Variants in AK5 observed in about 807,000 individuals in gnomAD.
AK5 encodes the protein adenylate kinase 5, also known as adenylate kinase isoenzyme 5.
AK5 carries 27 observed loss-of-function variants against 69.5 expected under a neutral mutation model. That is an observed-to-expected ratio of 0.39 (90% CI 0.29 to 0.54). AK5 has a LOEUF of 0.54. AK5 is among the 20% of genes least tolerant of loss of function. The pLI is 0.71. For missense variants in AK5, 531 were observed against 700.4 expected (o/e 0.76, Z 2.73); for synonymous variants, 260 against 244.4 (o/e 1.06, Z -0.60).
chr1:77,475,537 A>T (rs867639621), intron 8 of AK5, among the ~76,000 whole-genome samples: 2 of 103,932 alleles, frequency 1.9e-5, no homozygotes, highest in Non-Finnish European at 3.8e-5. Context: ...TATATATACA[A>T]ATATATATTA....
chr1:77,377,885 A>G (rs1647351846), intron 6 of AK5, among the ~76,000 whole-genome samples: 3 of 152,276 alleles, frequency 2.0e-5, no homozygotes, highest in South Asian at 4.1e-4. Context: ...AGAATGCCCA[A>G]TGACTCTTTA....
At chr1:77,518,038 T>C (rs1413952615) in intron 10 of AK5, among the ~76,000 whole-genome samples, 1 of 152,238 alleles carries the variant, frequency 6.6e-6, no homozygotes, top group Admixed American at 6.5e-5. Context: ...TGAAAGTTCT[T>C]TGTCCTCACA....
intron 5 of AK5, among the ~76,000 whole-genome samples, chr1:77,327,615 T>C (rs1246680099): frequency 1.3e-5 from 2 of 152,210 alleles, no homozygotes; most frequent in Non-Finnish European, 2.9e-5. Context: ...CTGATCACCA[T>C]GAACCAGGCA....
intron 6 of AK5, among the ~76,000 whole-genome samples, chr1:77,373,596 G>A (rs12409322): frequency 0.3 from 45,859 of 151,852 alleles, 8,139 homozygotes; most frequent in East Asian, 0.43. Context: ...CATGGTGGCA[G>A]GAGCTTGTAA....
chr1:77,403,760 G>A (rs1008018889), intron 6 of AK5, among the ~76,000 whole-genome samples: 13 of 152,294 alleles, frequency 8.5e-5, no homozygotes, highest in African/African-American at 2.9e-4. Context: ...TTTTGGCTTA[G>A]GATTGACTTG....
chr1:77,336,641 G>T (rs1420012364), intron 5 of AK5, among the ~76,000 whole-genome samples: 1 of 152,034 alleles, frequency 6.6e-6, no homozygotes, highest in African/African-American at 2.4e-5. Flanking sequence ...TTGTGTGTGT[G>T]TACTTACTAT....
At chr1:77,362,815 C>A (rs1646888168) in intron 6 of AK5, among the ~76,000 whole-genome samples, 1 of 152,126 alleles carries the variant, frequency 6.6e-6, no homozygotes, top group Non-Finnish European at 1.5e-5. Context: ...TAAATTGCTG[C>A]CACTTTGAAA....
At chr1:77,528,323 A>G (rs916396899) in intron 12 of AK5, among the ~76,000 whole-genome samples, 40 of 152,188 alleles carry the variant, frequency 2.6e-4, no homozygotes, top group African/African-American at 9.7e-4. Flanking sequence ...GGTCCATTCA[A>G]GCCTGGAGAG....
intron 11 of AK5, among the ~76,000 whole-genome samples, chr1:77,520,183 A>G (rs1657900383): frequency 6.8e-6 from 1 of 146,684 alleles, no homozygotes; most frequent in South Asian, 2.3e-4. Context: ...AGCCCAGGCA[A>G]CAGCGTGAAA....
intron 6 of AK5, among the ~76,000 whole-genome samples, chr1:77,407,372 T>C (rs2100561925): frequency 6.6e-6 from 1 of 152,250 alleles, no homozygotes; most frequent in South Asian, 2.1e-4. Flanking sequence ...CTCAGAATAA[T>C]AGTACTGAGT....
chr1:77,481,725 T>G (rs1655262698), intron 8 of AK5, among the ~76,000 whole-genome samples: 1 of 152,210 alleles, frequency 6.6e-6, no homozygotes, highest in Non-Finnish European at 1.5e-5. Context: ...ACAACCTCTG[T>G]GGGGAGCAGT....
At chr1:77,303,013 G>A (rs1659427711) in intron 5 of AK5, among the ~76,000 whole-genome samples, 1 of 152,126 alleles carries the variant, frequency 6.6e-6, no homozygotes, top group East Asian at 1.9e-4. Context: ...TGATATAGTA[G>A]CATGCCCCCA....
chr1:77,435,644 C>CAAAAAAA (rs1202203579), intron 8 of AK5, among the ~76,000 whole-genome samples: 1 of 66,078 alleles, frequency 1.5e-5, no homozygotes, highest in African/African-American at 5.7e-5. Context: ...GACTCTGTCT[C>CAAAAAAA]AAAAAAAAAA....
intron 8 of AK5, among the ~76,000 whole-genome samples, chr1:77,423,142 A>ACC (rs1290936480): frequency 6.7e-6 from 1 of 148,276 alleles, no homozygotes; most frequent in African/African-American, 2.5e-5. Flanking sequence ...AATGGCGTGA[A>ACC]CCCGGGAGGT....
intron 6 of AK5, among the ~76,000 whole-genome samples, chr1:77,366,067 A>C (rs1646944912): frequency 6.6e-6 from 1 of 152,194 alleles, no homozygotes; most frequent in African/African-American, 2.4e-5. Context: ...AAATAAGAAG[A>C]CTGGAAAAAA....
chr1:77,347,812 C>A (rs190428640), intron 6 of AK5, among the ~76,000 whole-genome samples: 1 of 152,152 alleles, frequency 6.6e-6, no homozygotes, highest in East Asian at 1.9e-4. Context: ...ATAGCTCATC[C>A]TGGCAATCTG....
At chr1:77,342,031 TG>T (rs1362849651) in intron 6 of AK5, among the ~76,000 whole-genome samples, 1 of 152,146 alleles carries the variant, frequency 6.6e-6, no homozygotes, top group Non-Finnish European at 1.5e-5. Context: ...CCCAAGTAGC[TG>T]GGATTACAGG....
intron 8 of AK5, among the ~76,000 whole-genome samples, chr1:77,429,948 G>GGCTTTGTAGA (rs1651491352): frequency 6.6e-6 from 1 of 152,146 alleles, no homozygotes; most frequent in Non-Finnish European, 1.5e-5. Flanking sequence ...TGGAAAGTAG[G>GGCTTTGTAGA]GCTTTGTAGA....
At chr1:77,367,671 A>AAG (rs1557533320) in intron 6 of AK5, among the ~76,000 whole-genome samples, 8 of 69,758 alleles carry the variant, frequency 1.1e-4, no homozygotes, top group Admixed American at 4.2e-4. Context: ...TATGTTATAT[A>AAG]TAATATATAT....
Sources: allele counts gnomAD v4.1 joint callset (sites outside exome capture counted in the v4.1 genomes callset), GRCh38; gene constraint gnomAD v4.1.1; transcripts MANE v1.5; gene names NCBI Gene and HGNC (gene_info 2026-07-23, HGNC 2026-07-21).